The following PDE10A variants were observed in gnomAD, a reference collection of about 807,000 sequenced individuals.
The protein encoded by PDE10A is phosphodiesterase 10A, also known as cAMP and cAMP-inhibited cGMP 3',5'-cyclic phosphodiesterase 10A.
Under a neutral mutation model 97.7 loss-of-function variants are expected in PDE10A, and 39 were observed. The observed-to-expected ratio is 0.40, with a 90% CI of 0.31 to 0.52. PDE10A has a LOEUF of 0.52. Among genes scored for constraint, PDE10A ranks in the 20% least tolerant of loss-of-function variants. The pLI is 0.56. For missense variants in PDE10A, 731 were observed against 1,047.8 expected, an observed-to-expected ratio of 0.70 and a Z score of 4.17; for synonymous variants, 371 against 376.8, an observed-to-expected ratio of 0.98 and a Z score of 0.18.
intron 1 of PDE10A, among the ~76,000 whole-genome samples, chr6:165,803,460 G>A (rs1482985850): frequency 6.6e-6 from 1 of 152,198 alleles, no homozygotes; most frequent in African/African-American, 2.4e-5. Flanking sequence ...AAATACAGGA[G>A]GGCACTGGTG....
At chr6:165,640,024 C>T (rs9355542) in intron 1 of PDE10A, among the ~76,000 whole-genome samples, 34,873 of 150,342 alleles carry the variant, frequency 0.23, 5,093 homozygotes, top group Admixed American at 0.38. Context: ...GAGCTGTGAT[C>T]GCACCACTGC....
intron 13 of PDE10A, among the ~76,000 whole-genome samples, chr6:165,402,453 T>C (rs1025003225): frequency 4.9e-4 from 74 of 152,282 alleles, no homozygotes; most frequent in African/African-American, 1.6e-3. Context: ...CTAGGATTAT[T>C]AGTAGATGAT....
intron 1 of PDE10A, among the ~76,000 whole-genome samples, chr6:165,979,888 T>A (rs1432261034): frequency 1.3e-5 from 2 of 152,242 alleles, no homozygotes; most frequent in Non-Finnish European, 2.9e-5. Flanking sequence ...AGAACATTCA[T>A]GTCCTATTTT....
At chr6:165,692,237 C>T (rs932224864) in intron 1 of PDE10A, among the ~76,000 whole-genome samples, 3 of 152,072 alleles carry the variant, frequency 2.0e-5, no homozygotes, top group Non-Finnish European at 2.9e-5. Context: ...CTAAGGGGAG[C>T]GCTGATAAGT....
intron 1 of PDE10A, among the ~76,000 whole-genome samples, chr6:165,558,860 G>A (rs1784386880): frequency 6.6e-6 from 1 of 152,152 alleles, no homozygotes. Context: ...TAAATGACGA[G>A]TTAATGAGTG....
At chr6:165,820,303 T>C (rs1779533584) in intron 1 of PDE10A, among the ~76,000 whole-genome samples, 2 of 152,248 alleles carry the variant, frequency 1.3e-5, no homozygotes, top group Admixed American at 6.5e-5. Flanking sequence ...AGTGAATATG[T>C]ATTAATTCCT....
chr6:165,568,114 T>G (rs1784875924), intron 1 of PDE10A, among the ~76,000 whole-genome samples: 1 of 148,546 alleles, frequency 6.7e-6, no homozygotes, highest in Non-Finnish European at 1.5e-5. Context: ...TTCTCCTGCC[T>G]CAGCCTCCCG....
At chr6:165,643,575 T>C (rs540277044) in intron 1 of PDE10A, among the ~76,000 whole-genome samples, 9 of 152,256 alleles carry the variant, frequency 5.9e-5, no homozygotes, top group African/African-American at 2.2e-4. Context: ...TGAAAACAGA[T>C]AAGTGAAATA....
At chr6:165,831,476 G>A (rs544701708) in intron 1 of PDE10A, among the ~76,000 whole-genome samples, 1,301 of 24,900 alleles carry the variant, frequency 0.052, 28 homozygotes, top group South Asian at 0.065. Context: ...AATTGCAGGA[G>A]TCTTTTTTTT....
At chr6:165,426,555 G>A (rs1392171798) in intron 10 of PDE10A, among the ~76,000 whole-genome samples, 1 of 152,126 alleles carries the variant, frequency 6.6e-6, no homozygotes, top group African/African-American at 2.4e-5. Context: ...AAATTCTCAT[G>A]ATCTCTAATT....
chr6:165,676,173 A>C (rs1033206074), intron 1 of PDE10A, among the ~76,000 whole-genome samples: 1 of 152,172 alleles, frequency 6.6e-6, no homozygotes, highest in African/African-American at 2.4e-5. Context: ...TGTGAGCTGA[A>C]AAATGTGTAC....
intron 1 of PDE10A, among the ~76,000 whole-genome samples, chr6:165,740,444 C>T (rs1224127901): frequency 2.0e-5 from 3 of 152,112 alleles, no homozygotes; most frequent in Non-Finnish European, 4.4e-5. Context: ...AATTCTCCTG[C>T]CTCAGCCTCC....
rs376217682 is a variant in PDE10A at position 165,863,705 on chromosome 6, T to A, written c.-615+123824A>T. Among the ~76,000 whole-genome samples the A allele has an allele frequency of 3.9e-5, 6 of 152,340 alleles. No homozygotes were observed. In the South Asian group the frequency reaches 1.2e-3, roughly 32 times the overall value. ...TTCACTATCAATCAATAAACAAAAA[T>A]GAATATAGATGATATGACACAGATA... On this transcript the variant is annotated intron_variant, in intron 1 of 19. Coordinates refer to the PDE10A transcript ENST00000366882.
intron 1 of PDE10A, chr6:165,894,374 G>T (rs754364983): frequency 2.2e-6 from 1 of 456,084 alleles, no homozygotes; most frequent in South Asian, 1.5e-5. Flanking sequence ...GCCTCGACAG[G>T]CCAGAACACT....
intron 1 of PDE10A, among the ~76,000 whole-genome samples, chr6:165,744,313 CTG>C (rs1792796638): frequency 6.6e-6 from 1 of 152,170 alleles, no homozygotes; most frequent in Admixed American, 6.5e-5. Context: ...ATAGTAAAGA[CTG>C]TGCCAGTTTA....
At position 165,620,938 on chromosome 6, in the gene PDE10A, T is replaced by C. The variant is rs1400769471; in HGVS notation, c.865+41009A>G. Reference sequence around the variant, plus strand: ...AGGGAGGCTGAGACAGGGGAATCGATTGAACCTGGGAGGCAGAGGTTGCGG... The same window carrying C: ...AGGGAGGCTGAGACAGGGGAATCGACTGAACCTGGGAGGCAGAGGTTGCGG... On this transcript the variant is annotated intron_variant, in intron 1 of 21. Transcript: ENST00000539869. Among the ~76,000 whole-genome samples the C allele has an allele frequency of 5.3e-5, 8 of 151,560 alleles. No individual in the cohort carries two copies. The East Asian group carries it at 1.6e-3, about 29-fold the overall frequency.
At chr6:165,903,469 G>GT (rs1782169875) in intron 1 of PDE10A, among the ~76,000 whole-genome samples, 1 of 152,274 alleles carries the variant, frequency 6.6e-6, no homozygotes, top group East Asian at 1.9e-4. Flanking sequence ...TAATGAGAGA[G>GT]TTTTGGTTGG....
rs921933679 is a variant in PDE10A at position 165,893,694 on chromosome 6, G to T, written c.-615+93835C>A. Among the ~76,000 whole-genome samples the T allele has an allele frequency of 2.0e-5, 3 of 152,030 alleles. No homozygotes were observed. The East Asian group carries it at 5.8e-4, about 29-fold the overall frequency. On this transcript the variant is annotated intron_variant, in intron 1 of 19. Transcript: ENST00000366882. ...TCCTTTCCTGTATACCCACATATTCGTATATTCTCAAGTGTCTAGCACCCT... is the reference window on the plus strand; with the variant it reads ...TCCTTTCCTGTATACCCACATATTCTTATATTCTCAAGTGTCTAGCACCCT...
rs751385466 is a variant in PDE10A at position 165,431,467 on chromosome 6, T to C, written c.1497A>G (p.Ala499=). ...CTGAAGCCCAGGCAAGATTTGCTGT[T>C]GCAACCTAAAAAAAACAAGAAATAC... ...EAFCLSHQEV[A]TANLAWASVA... Residue 499 remains alanine, a synonymous_variant, in exon 8 of 22, where the codon GCA becomes GCG. Coordinates refer to ENST00000539869, the MANE Select transcript of PDE10A (RefSeq NM_001385079.1). The C allele has an allele frequency of 1.3e-6, 2 of 1,592,664 alleles. No individual in the cohort carries two copies. Among genetic ancestry groups the C allele is most frequent in the Non-Finnish European group, 1.7e-6 (2 of 1,166,754 alleles).
Sources: gnomAD v4.1 joint callset for allele counts (sites outside exome capture counted in the v4.1 genomes callset) on GRCh38, gnomAD v4.1.1 for gene constraint, MANE v1.5 for transcripts, NCBI Gene and HGNC (gene_info 2026-07-23, HGNC 2026-07-21) for gene names.